Variants in BBS1 observed in about 807,000 individuals in gnomAD.
BBS1 encodes the protein BBSome complex member BBS1.
A neutral mutation model predicts 73.9 loss-of-function variants in BBS1; 60 were observed. The ratio of observed to expected loss-of-function variants is 0.81; its 90% CI spans 0.66 to 1.01. The LOEUF is 1.01. BBS1 is among the 50% of genes least tolerant of loss of function. BBS1 has a pLI of 0.00. For missense variants in BBS1, 718 were observed against 770.3 expected, an observed-to-expected ratio of 0.93 and a Z score of 0.80; for synonymous variants, 283 against 317.4, an observed-to-expected ratio of 0.89 and a Z score of 1.15.
At chr11:66,517,750 G>A (rs758506396) in intron 7 of BBS1, among the ~76,000 whole-genome samples, 14 of 151,706 alleles carry the variant, frequency 9.2e-5, no homozygotes, top group Non-Finnish European at 1.9e-4. Flanking sequence ...ACAGGTGTGA[G>A]CCACCACGCC....
At chr11:66,521,095 G>C (rs967659175) in intron 8 of BBS1, 175 bp from the exon 9 acceptor site, 5 of 668,620 alleles carry the variant, frequency 7.5e-6, no homozygotes, top group African/African-American at 3.6e-5. Flanking sequence ...AGACTAAAAG[G>C]CTTTTGCTAA....
intron 7 of BBS1, 74 bp downstream of exon 7, chr11:66,516,007 GTAAAT>G: frequency 2.0e-6 from 3 of 1,477,598 alleles, no homozygotes; most frequent in Non-Finnish European, 2.8e-6. Flanking sequence ...AACATCAGTG[GTAAAT>G]TCTATAAGCA....
chr11:66,511,373 A>G (rs1170293072), intron 3 of BBS1, 134 bp downstream of exon 3: 1 of 1,137,800 alleles, frequency 8.8e-7, no homozygotes, highest in Non-Finnish European at 1.2e-6. Flanking sequence ...TTTAGCGTTA[A>G]ATTTTGTTTT....
chr11:66,524,287 A>C (rs114607144), intron 11 of BBS1: 2 of 333,370 alleles, frequency 6.0e-6, no homozygotes, highest in Non-Finnish European at 1.2e-5. Context: ...CTTAAAAAAA[A>C]AAAAAATGTG....
intron 2 of BBS1, 45 bp from the exon 3 acceptor site, chr11:66,511,159 GC>G: frequency 6.2e-7 from 1 of 1,614,070 alleles, no homozygotes; most frequent in Non-Finnish European, 8.5e-7. Context: ...CTGTAGTGAA[GC>G]CTCTGGGATT....
At chr11:66,524,062 C>G (rs1856375749) in intron 11 of BBS1, 180 bp downstream of exon 11, 1 of 873,198 alleles carries the variant, frequency 1.1e-6, no homozygotes, top group Middle Eastern at 2.3e-4. Flanking sequence ...GGCAGATCAC[C>G]TGAGGTAAGG....
intron 7 of BBS1, among the ~76,000 whole-genome samples, chr11:66,518,762 T>C (rs565207929): frequency 1.3e-4 from 20 of 150,538 alleles, no homozygotes; most frequent in Admixed American, 2.6e-4. Context: ...CTTTTCTTTT[T>C]TTTTTTTTTT....
chr11:66,520,619 A>G (rs966322485), intron 8 of BBS1: 12 of 160,294 alleles, frequency 7.5e-5, no homozygotes, highest in Admixed American at 6.9e-4. Flanking sequence ...CGCAATATCC[A>G]TCATATTGAG....
chr11:66,511,308 G>A (rs570240047), intron 3 of BBS1, 69 bp downstream of exon 3: 1 of 1,567,294 alleles, frequency 6.4e-7, no homozygotes, highest in Non-Finnish European at 8.8e-7. Flanking sequence ...ATTTCCTGAC[G>A]GCTGAAAATA....
chr11:66,529,359 TC>T, intron 13 of BBS1: 1 of 1,506,208 alleles, frequency 6.6e-7, no homozygotes, highest in Non-Finnish European at 8.9e-7. Flanking sequence ...TGATGGGACC[TC>T]CCTGTGGAGA....
intron 4 of BBS1, 115 bp downstream of exon 4, chr11:66,514,793 C>T (rs1005823530): frequency 2.2e-5 from 27 of 1,216,778 alleles, no homozygotes; most frequent in South Asian, 2.5e-5. Flanking sequence ...AGCTATAGTC[C>T]ATCTCTGACA....
intron 7 of BBS1, 106 bp downstream of exon 7, chr11:66,516,039 C>T (rs969304903): frequency 1.9e-6 from 2 of 1,061,532 alleles, no homozygotes; most frequent in Admixed American, 3.8e-5. Flanking sequence ...ACCAGTATCT[C>T]TTTGCTATAT....
intron 13 of BBS1, among the ~76,000 whole-genome samples, chr11:66,528,379 T>C (rs2134822175): frequency 6.6e-6 from 1 of 152,162 alleles, no homozygotes. Flanking sequence ...CCCAGTGGGG[T>C]TTGTTTTAAG....
intron 13 of BBS1, chr11:66,527,814 G>A (rs1482280676): frequency 6.6e-6 from 1 of 152,296 alleles, no homozygotes; most frequent in African/African-American, 2.4e-5. Flanking sequence ...ACTTCTGCCT[G>A]GGAAGCTTGG....
rs1010536793 is a variant in BBS1 at position 66,526,921 on chromosome 11, A to C, written c.1339+114A>C. 2.5e-6 allele frequency: 4 copies of C among 1,603,540 alleles called. No homozygotes were observed. In the Admixed American group the frequency reaches 6.8e-5, roughly 27 times the overall value. On this transcript the variant is annotated intron_variant, in intron 13 of 16. Coordinates refer to ENST00000318312, the MANE Select transcript of BBS1 (RefSeq NM_024649.5). ...CACTGGGAGGAGATCTCGGCCAACTAGGTAGGTCACTCACCTCTGCAAATC... is the reference window on the plus strand; with the variant it reads ...CACTGGGAGGAGATCTCGGCCAACTCGGTAGGTCACTCACCTCTGCAAATC...
Position 66,530,838 on chromosome 11 carries a change from C to T in BBS1, c.1474-56C>T, listed in dbSNP as rs1024129194. The T allele has an allele frequency of 3.7e-5, 60 of 1,612,538 alleles. No individual in the cohort carries two copies. The African/African-American group carries it at 7.9e-4, about 21-fold the overall frequency. ...TGGAAGGCAGGCAGAGCACACTGTA[C>T]TCCGTGCCCAAGGCTGCCAGGTCCT... On this transcript the variant is annotated intron_variant, in intron 14 of 16. Transcript: ENST00000318312.
At chr11:66,510,732 C>G (rs202169019) in intron 1 of BBS1, 26 bp downstream of exon 1, 154 of 1,613,802 alleles carry the variant, frequency 9.5e-5, no homozygotes, top group Non-Finnish European at 1.2e-4. Flanking sequence ...CTCAAGGCCT[C>G]TTTTCCCACC....
chr11:66,512,829 G>A (rs774068953), intron 3 of BBS1, among the ~76,000 whole-genome samples: 1 of 151,920 alleles, frequency 6.6e-6, no homozygotes, highest in African/African-American at 2.4e-5. Context: ...AAAATCAGCC[G>A]GGCGTGGTGG....
chr11:66,531,349 G>T (rs558274307), intron 15 of BBS1, among the ~76,000 whole-genome samples: 2 of 152,330 alleles, frequency 1.3e-5, no homozygotes, highest in African/African-American at 4.8e-5. Context: ...AGTGTGAAGG[G>T]CCTGGTTTTC....
Sources: allele counts gnomAD v4.1 joint callset (sites outside exome capture counted in the v4.1 genomes callset), GRCh38; gene constraint gnomAD v4.1.1; transcripts MANE v1.5; gene names NCBI Gene and HGNC (gene_info 2026-07-23, HGNC 2026-07-21).